Variants in MYO7A observed in about 807,000 individuals in gnomAD.
MYO7A encodes myosin VIIA, also known as unconventional myosin-VIIa.
In MYO7A, 210 loss-of-function variants were observed where a neutral mutation model predicts 263.8. That is an observed-to-expected ratio of 0.80 (90% CI 0.71 to 0.89). The LOEUF (loss-of-function observed/expected upper bound fraction) is 0.89. Ranked by LOEUF, MYO7A falls within the 40% of genes least tolerant of loss-of-function variation. The pLI, the probability that MYO7A is intolerant of heterozygous loss-of-function variation, is 0.00. For synonymous variants in MYO7A, 1,239 were observed against 1,197.3 expected, an observed-to-expected ratio of 1.03 and a Z score of -0.72; for missense variants, 2,820 against 2,968.3, an observed-to-expected ratio of 0.95 and a Z score of 1.16.
chr11:77,189,909 A>G (rs1197502823), intron 28 of MYO7A, 111 bp from the exon 29 acceptor site: 1 of 1,431,362 alleles, frequency 7.0e-7, no homozygotes, highest in Non-Finnish European at 9.2e-7. Flanking sequence ...AGCCACAGAA[A>G]GCAACCTGGC....
rs375050157 is a variant in MYO7A, at chr11:77,182,575, T to G, written c.3260T>G (p.Leu1087Arg). 3 of 1,613,074 alleles carry G rather than the reference T, an allele frequency of 1.9e-6. No homozygotes were observed. Among genetic ancestry groups the G allele is most frequent in the East Asian group, 2.2e-5 (1 of 44,876 alleles). The change falls in exon 25 of 49, where the codon CTG (leucine) becomes CGG (arginine). Residue 1087 changes from leucine (L) to arginine (R), a missense_variant. By Grantham distance (102) the Leu-to-Arg change is moderately radical. Coordinates refer to ENST00000409709, the MANE Select transcript of MYO7A (RefSeq NM_000260.4). ...GGCAAGAAGACGTACAAGAGGGAGC[T>G]GCAGGCCCTGCAGGGCGAGGGCGAG... ...TLGKKTYKRE[L>R]QALQGEGEAQ...
intron 2 of MYO7A, among the ~76,000 whole-genome samples, chr11:77,132,688 C>T (rs1950800718): frequency 1.3e-5 from 2 of 152,192 alleles, no homozygotes; most frequent in Admixed American, 6.5e-5. Context: ...GGGGTTTCAC[C>T]ATGTTGGCCA....
chr11:77,190,564 G>A (rs900091231), intron 29 of MYO7A, 133 bp from the exon 30 acceptor site: 49 of 1,048,700 alleles, frequency 4.7e-5, no homozygotes, highest in African/African-American at 9.5e-5. Flanking sequence ...GGGACAAGCA[G>A]TGTCCCAGTG....
intron 22 of MYO7A, 102 bp downstream of exon 22, chr11:77,180,583 C>A: frequency 9.5e-7 from 1 of 1,053,540 alleles, no homozygotes. Flanking sequence ...GCCTTCCTTC[C>A]ATCCTTCAGA....
intron 31 of MYO7A, 123 bp downstream of exon 31, chr11:77,192,401 C>G (rs530644685): frequency 2.0e-6 from 2 of 990,434 alleles, no homozygotes; most frequent in East Asian, 5.0e-5. Context: ...TGACTGCAAC[C>G]AGGCACTCTT....
At chr11:77,167,794 C>A (rs978126170) in intron 15 of MYO7A, among the ~76,000 whole-genome samples, 3 of 152,174 alleles carry the variant, frequency 2.0e-5, no homozygotes, top group African/African-American at 7.2e-5. Context: ...GTAGACAGGG[C>A]ATGTCAGGAG....
chr11:77,181,055 T>C (rs1472392065), intron 22 of MYO7A, among the ~76,000 whole-genome samples: 1 of 152,240 alleles, frequency 6.6e-6, no homozygotes, highest in East Asian at 1.9e-4. Context: ...GTGGCTCACA[T>C]TGTATTCCTA....
chr11:77,179,047 C>G lies in MYO7A; in HGVS notation c.2285C>G (p.Ser762Cys), dbSNP rs1453028854. The G allele has an allele frequency of 6.9e-6, 11 of 1,603,864 alleles. No homozygotes were observed. Among genetic ancestry groups the G allele is most frequent in the Non-Finnish European group, 9.4e-6 (11 of 1,175,886 alleles). Residue 762 changes from serine (S) to cysteine (C), a missense_variant and splice_region_variant, in exon 20 of 49, where the codon TCT becomes TGT. Physicochemically the swap from Ser to Cys is moderately radical, Grantham distance 112. Coordinates refer to ENST00000409709, the MANE Select transcript of MYO7A (RefSeq NM_000260.4). ...CCGCGCCACTACTGCTGTTTCAGGTCTAACTTTCTGAAGCTGAAGAACGCT... is the reference window on the plus strand; with the variant it reads ...CCGCGCCACTACTGCTGTTTCAGGTGTAACTTTCTGAAGCTGAAGAACGCT... The part of the protein sequence containing the change: ...QKVIRGFKDR[S>C]NFLKLKNAAT...
chr11:77,191,050 G>C, intron 30 of MYO7A, 180 bp downstream of exon 30: 1 of 661,504 alleles, frequency 1.5e-6, no homozygotes, highest in Non-Finnish European at 2.4e-6. Flanking sequence ...GGCCAGGTGC[G>C]GTGGTTCACA....
At chr11:77,140,899 A>AAGAG (rs1591192652) in intron 2 of MYO7A, among the ~76,000 whole-genome samples, 1 of 152,206 alleles carries the variant, frequency 6.6e-6, no homozygotes. Flanking sequence ...CATTCACATG[A>AAGAG]AGAGAGGGTC....
rs1006755543 is a variant in MYO7A, at chr11:77,214,071, C to T, written c.6558+92C>T. The T allele has an allele frequency of 3.6e-5, 56 of 1,555,082 alleles. No individual in the cohort carries two copies. The South Asian group carries it at 3.8e-4, about 10-fold the overall frequency. Reference sequence around the variant, plus strand: ...GGCCTGGAACAAACACAGTAGTGTGCGGCTGGGCCTGGGGTCGTGGGCAAG... The same window carrying T: ...GGCCTGGAACAAACACAGTAGTGTGTGGCTGGGCCTGGGGTCGTGGGCAAG... On this transcript the variant is annotated intron_variant, in intron 48 of 48. Coordinates refer to ENST00000409709, the MANE Select transcript of MYO7A (RefSeq NM_000260.4).
chr11:77,189,221 C>A, intron 27 of MYO7A, 123 bp from the exon 28 acceptor site: 2 of 1,399,608 alleles, frequency 1.4e-6, no homozygotes, highest in Non-Finnish European at 1.9e-6. Flanking sequence ...TGCCTCCTCC[C>A]GGGTGGTCTT....
intron 2 of MYO7A, chr11:77,142,491 A>G: frequency 3.4e-6 from 2 of 596,696 alleles, no homozygotes; most frequent in Non-Finnish European, 3.1e-6. Flanking sequence ...AAATGGGAAT[A>G]TGGCTGTTCT....
In MYO7A at chr11:77,156,895, A is replaced by G; in HGVS notation, c.626A>G (p.Asn209Ser). ...AATGCCAAGACCATCCGCAATGACA[A>G]CTCAAGCCGTTTCGGAAAGTACATC... is the stretch of plus-strand genomic sequence containing the variant. ...FGNAKTIRND[N>S]SSRFGKYIDI... The change falls in exon 7 of 49, where the codon AAC becomes AGC. Residue 209 changes from asparagine (N) to serine (S), a missense_variant. Transcript: ENST00000409709. The G allele has an allele frequency of 1.2e-6, 2 of 1,613,898 alleles. No individual in the cohort carries two copies. The highest frequency in any genetic ancestry group is 1.7e-6 in the Non-Finnish European group (2 of 1,179,886).
At chr11:77,150,637 G>A (rs1037487672) in intron 4 of MYO7A, among the ~76,000 whole-genome samples, 3 of 152,142 alleles carry the variant, frequency 2.0e-5, no homozygotes, top group Non-Finnish European at 2.9e-5. Flanking sequence ...GTGGAGGGAC[G>A]GGGTGGGGGT....
At chr11:77,194,268 G>T in intron 31 of MYO7A, 86 bp from the exon 32 acceptor site, 2 of 1,473,162 alleles carry the variant, frequency 1.4e-6, no homozygotes, top group Non-Finnish European at 1.9e-6. Context: ...GCAGGGCCAG[G>T]AGAGGGGCCT....
At chr11:77,156,420 T>C (rs1291262713) in intron 5 of MYO7A, among the ~76,000 whole-genome samples, 1 of 152,250 alleles carries the variant, frequency 6.6e-6, no homozygotes, top group African/African-American at 2.4e-5. Flanking sequence ...TGACTGAGCA[T>C]CTAATATGTG....
chr11:77,190,107 C>T lies in MYO7A; in HGVS notation c.3718C>T (p.Arg1240Trp), dbSNP rs371374104. The T allele has an allele frequency of 5.1e-6, 8 of 1,575,030 alleles. No homozygotes were observed. The East Asian group carries it at 7.0e-5, about 14-fold the overall frequency. ...GAGAAGGACCTTTGTCAATGGGACA[C>T]GGACACAGCCGCCCAGCTGGCTGGA... ...RLRRTFVNGT[R>W]TQPPSWLELQ... Residue 1240 changes from arginine to tryptophan, a missense_variant, in exon 29 of 49, where the codon CGG becomes TGG. Coordinates refer to ENST00000409709, the MANE Select transcript of MYO7A (RefSeq NM_000260.4).
intron 3 of MYO7A, among the ~76,000 whole-genome samples, chr11:77,143,820 A>C (rs1489847630): frequency 1.3e-5 from 2 of 151,966 alleles, no homozygotes; most frequent in Non-Finnish European, 2.9e-5. Context: ...GGGACTTGAA[A>C]CTGAGGCTCT....
Sources: gnomAD v4.1 joint callset for allele counts (sites outside exome capture counted in the v4.1 genomes callset) on GRCh38, gnomAD v4.1.1 for gene constraint, MANE v1.5 for transcripts, NCBI Gene and HGNC (gene_info 2026-07-23, HGNC 2026-07-21) for gene names.